The following AKR1A1 variants were observed in gnomAD, a reference collection of about 807,000 sequenced individuals.
AKR1A1 encodes the protein aldo-keto reductase family 1 member A1, also known as HEL-S-165mP.
Under a neutral mutation model 39.2 loss-of-function variants are expected in AKR1A1, and 26 were observed. The ratio of observed to expected loss-of-function variants is 0.66; its 90% CI spans 0.49 to 0.92. The LOEUF is 0.92. AKR1A1 is among the 40% of genes least tolerant of loss of function. The pLI is 0.00. For synonymous variants in AKR1A1, 141 were observed against 155.5 expected (o/e 0.91, Z 0.69); for missense variants, 378 against 406.5 (o/e 0.93, Z 0.60).
chr1:45,557,192 AAAAAAT>A (rs1339643604), intron 1 of AKR1A1, among the ~76,000 whole-genome samples: 3 of 152,126 alleles, frequency 2.0e-5, no homozygotes, highest in Non-Finnish European at 4.4e-5. Context: ...CTCTATCTCA[AAAAAAT>A]AAAAATAAAA....
intron 2 of AKR1A1, among the ~76,000 whole-genome samples, chr1:45,564,190 G>A (rs1007596106): frequency 5.3e-5 from 8 of 152,136 alleles, no homozygotes; most frequent in African/African-American, 1.9e-4. Flanking sequence ...TGGAGCCAGG[G>A]TCCCTGTGCT....
chr1:45,568,494 C>G lies in AKR1A1; in HGVS notation c.562C>G (p.His188Asp). The G allele has an allele frequency of 6.2e-7, 1 of 1,613,618 alleles. No homozygotes were observed. The change falls in exon 6 of 9, where the codon CAC becomes GAC. Residue 188 changes from histidine to aspartate, a missense_variant. By Grantham distance (81) the His-to-Asp change is moderately conservative (BLOSUM62 -1). Coordinates refer to ENST00000351829, the MANE Select transcript of AKR1A1 (RefSeq NM_153326.3). ...VRPAVLQVEC[H>D]PYLAQNELIA... ...TTATTCTTTGGCTCAGGTGGAATGC[C>G]ACCCATACTTGGCTCAAAATGAGCT...
At chr1:45,569,064 T>C in intron 7 of AKR1A1, 65 bp downstream of exon 7, 1 of 1,606,592 alleles carries the variant, frequency 6.2e-7, no homozygotes, top group Non-Finnish European at 8.5e-7. Flanking sequence ...TGACTCTACC[T>C]GGCTAAAAAG....
At chr1:45,560,879 C>T (rs1299594820) in intron 1 of AKR1A1, among the ~76,000 whole-genome samples, 3 of 152,148 alleles carry the variant, frequency 2.0e-5, no homozygotes, top group Non-Finnish European at 2.9e-5. Flanking sequence ...AGGCACCCGC[C>T]ACCACGCCTG....
At chr1:45,552,010 T>TATGC (rs1197250465) in intron 1 of AKR1A1, among the ~76,000 whole-genome samples, 2 of 151,640 alleles carry the variant, frequency 1.3e-5, no homozygotes, top group Non-Finnish European at 2.9e-5. Context: ...TGTATGTATG[T>TATGC]ATGTATGTAT....
rs71056306 is a variant in AKR1A1 at position 45,559,634 on chromosome 1, C to CTTTTTTTTTTT, written c.-6-2138_-6-2128dup. Among the ~76,000 whole-genome samples the CTTTTTTTTTTT allele has an allele frequency of 1.1e-3, 81 of 73,140 alleles. 1 individual carries two copies. The highest frequency in any genetic ancestry group is 1.7e-3 in the Non-Finnish European group (70 of 41,862). 48.0% of individuals were successfully genotyped at this position (73,140 alleles called of 152,430 possible). A position where few individuals can be genotyped will look rare whatever the true frequency, so the allele number is the denominator to read the frequency against. On this transcript the variant is annotated intron_variant, in intron 1 of 8. Transcript: ENST00000351829. Reference sequence around the variant, plus strand: ...TGCCACTTCTTTTCTCTTTTCTTTTCTTTTTTTTTTTTTTTTTTTTTTTTT... The same window carrying CTTTTTTTTTTT: ...TGCCACTTCTTTTCTCTTTTCTTTTCTTTTTTTTTTTTTTTTTTTTTTTTTTTTTTTTTTTT...
intron 2 of AKR1A1, among the ~76,000 whole-genome samples, chr1:45,562,835 T>C (rs1036155340): frequency 1.3e-5 from 2 of 151,480 alleles, no homozygotes; most frequent in African/African-American, 2.4e-5. Context: ...AAGAACAAGA[T>C]AGGGCCAAGT....
At chr1:45,555,958 C>T (rs2993263) in intron 1 of AKR1A1, among the ~76,000 whole-genome samples, 69,417 of 151,778 alleles carry the variant, frequency 0.46, 16,297 homozygotes, top group East Asian at 0.62. Flanking sequence ...AGGCCTAAGG[C>T]GATAACCGAA....
chr1:45,568,391 C>T, intron 5 of AKR1A1, 94 bp from the exon 6 acceptor site: 1 of 1,408,888 alleles, frequency 7.1e-7, no homozygotes, highest in Non-Finnish European at 9.9e-7. Context: ...GTGGAGGAGT[C>T]AGCAATAGGG....
intron 1 of AKR1A1, among the ~76,000 whole-genome samples, chr1:45,552,205 G>C (rs1477408678): frequency 6.6e-6 from 1 of 151,680 alleles, no homozygotes; most frequent in Non-Finnish European, 1.5e-5. Flanking sequence ...GATGGATGGG[G>C]GTCTCTCGGT....
chr1:45,556,644 C>T (rs1002040268), intron 1 of AKR1A1, among the ~76,000 whole-genome samples: 11 of 150,790 alleles, frequency 7.3e-5, no homozygotes, highest in African/African-American at 2.4e-4. Context: ...TTTGGGAGGC[C>T]GAGGTGGGTG....
At position 45,568,397 on chromosome 1, in the gene AKR1A1, T is replaced by C. The variant is rs911457935; in HGVS notation, c.553-88T>C. 4.9e-6 allele frequency: 7 copies of C among 1,431,966 alleles called. No homozygotes were observed. In the African/African-American group the frequency reaches 5.6e-5, roughly 11 times the overall value. The allele number at this position is 1,431,966 out of a possible 1,614,324, so 88.7% of individuals were successfully genotyped here. A position where few individuals can be genotyped will look rare whatever the true frequency, so the allele number is the denominator to read the frequency against. On this transcript the variant is annotated intron_variant, in intron 5 of 8. Coordinates refer to ENST00000351829, the MANE Select transcript of AKR1A1 (RefSeq NM_153326.3). Reference sequence around the variant, plus strand: ...TGAAGGGGAGTGGAGGAGTCAGCAATAGGGGGTGGTCCAGACATGCATGTC... The same window carrying C: ...TGAAGGGGAGTGGAGGAGTCAGCAACAGGGGGTGGTCCAGACATGCATGTC...
intron 5 of AKR1A1, 85 bp downstream of exon 5, chr1:45,568,262 T>C (rs1278486682): frequency 6.9e-7 from 1 of 1,451,032 alleles, no homozygotes; most frequent in Non-Finnish European, 9.3e-7. Context: ...TTAAGGGAGA[T>C]AGCTAGCAAG....
At chr1:45,557,908 T>G (rs1644226051) in intron 1 of AKR1A1, among the ~76,000 whole-genome samples, 1 of 119,866 alleles carries the variant, frequency 8.3e-6, no homozygotes, top group South Asian at 3.0e-4. Context: ...TACTCACAAC[T>G]TGTCTTTTTT....
chr1:45,553,384 T>TG (rs1240864644), intron 1 of AKR1A1, among the ~76,000 whole-genome samples: 1 of 151,036 alleles, frequency 6.6e-6, no homozygotes, highest in East Asian at 2.0e-4. Context: ...ATCACACCAC[T>TG]GTACTCCAGC....
At chr1:45,561,017 G>A (rs1644270868) in intron 1 of AKR1A1, among the ~76,000 whole-genome samples, 3 of 152,112 alleles carry the variant, frequency 2.0e-5, no homozygotes, top group South Asian at 2.1e-4. Context: ...GTGAGCCACC[G>A]TGCCTGGCCG....
At chr1:45,563,602 C>T (rs1228289379) in intron 2 of AKR1A1, among the ~76,000 whole-genome samples, 2 of 151,758 alleles carry the variant, frequency 1.3e-5, no homozygotes, top group Non-Finnish European at 2.9e-5. Flanking sequence ...CCAGCCTGAC[C>T]AACACGGAGA....
intron 2 of AKR1A1, among the ~76,000 whole-genome samples, chr1:45,565,470 TA>T (rs762131667): frequency 1.8e-4 from 27 of 151,122 alleles, no homozygotes; most frequent in South Asian, 6.3e-4. Context: ...TTTTTGTTGT[TA>T]TTTTTTTTGT....
chr1:45,569,782 A>T, intron 8 of AKR1A1, 109 bp from the exon 9 acceptor site: 3 of 916,530 alleles, frequency 3.3e-6, no homozygotes, highest in Non-Finnish European at 5.3e-6. Flanking sequence ...GCCATCTGGC[A>T]TAGTGCTGTA....
Sources: allele counts gnomAD v4.1 joint callset (sites outside exome capture counted in the v4.1 genomes callset), GRCh38; gene constraint gnomAD v4.1.1; transcripts MANE v1.5; gene names NCBI Gene and HGNC (gene_info 2026-07-23, HGNC 2026-07-21).